PRKN: variants seen among roughly 807,000 people sequenced by gnomAD.
PRKN encodes parkin RBR E3 ubiquitin protein ligase.
Under a neutral mutation model 59.5 loss-of-function variants are expected in PRKN, and 56 were observed. That is an observed-to-expected ratio of 0.94 (90% CI 0.76 to 1.18). The LOEUF is 1.18. PRKN is among the 50% of genes most tolerant of loss of function. The pLI is 0.00. For missense variants in PRKN, 657 were observed against 596.4 expected (o/e 1.10, Z -1.06); for synonymous variants, 250 against 222.1 (o/e 1.13, Z -1.12).
chr6:161,537,643 G>C (rs1452841520), intron 9 of PRKN, among the ~76,000 whole-genome samples: 2 of 152,024 alleles, frequency 1.3e-5, no homozygotes, highest in Admixed American at 6.6e-5. Context: ...AGTAGAGACG[G>C]GGTTTCACCA....
At chr6:162,479,793 C>T (rs1019707608) in intron 1 of PRKN, among the ~76,000 whole-genome samples, 5 of 150,664 alleles carry the variant, frequency 3.3e-5, no homozygotes, top group Admixed American at 6.6e-5. Context: ...AGGAGCCAGG[C>T]GCAGTGGCTC....
intron 8 of PRKN, among the ~76,000 whole-genome samples, chr6:161,557,179 C>A (rs74298754): frequency 6.6e-6 from 1 of 152,168 alleles, no homozygotes; most frequent in Non-Finnish European, 1.5e-5. Context: ...AGAATCCTGA[C>A]TCACTGCTAT....
intron 6 of PRKN, among the ~76,000 whole-genome samples, chr6:161,803,599 G>A (rs1188532196): frequency 2.0e-5 from 3 of 152,184 alleles, no homozygotes; most frequent in Non-Finnish European, 4.4e-5. Flanking sequence ...AGCTCAACTC[G>A]GGTGGAGCCG....
At chr6:162,581,316 T>C (rs1169439832) in intron 1 of PRKN, among the ~76,000 whole-genome samples, 4 of 152,274 alleles carry the variant, frequency 2.6e-5, no homozygotes, top group African/African-American at 9.6e-5. Context: ...ATATTCAAGG[T>C]AGTTATATGG....
chr6:162,707,191 T>C (rs2128237898), intron 1 of PRKN, among the ~76,000 whole-genome samples: 1 of 152,332 alleles, frequency 6.6e-6, no homozygotes, highest in African/African-American at 2.4e-5. Flanking sequence ...CTTATATGAA[T>C]ATACTGTGGA....
intron 6 of PRKN, among the ~76,000 whole-genome samples, chr6:161,947,487 T>C (rs1028998924): frequency 5.9e-5 from 9 of 152,206 alleles, no homozygotes; most frequent in Non-Finnish European, 8.8e-5. Context: ...TTTACAGCAA[T>C]TGTTCCTACT....
At chr6:162,637,013 T>C (rs966765484) in intron 1 of PRKN, among the ~76,000 whole-genome samples, 1 of 151,668 alleles carries the variant, frequency 6.6e-6, no homozygotes, top group African/African-American at 2.4e-5. Flanking sequence ...TCCCAGCACT[T>C]TGGGAGGCTG....
At chr6:162,624,250 C>CAAAAAAAA (rs752288555) in intron 1 of PRKN, 1 of 127,522 alleles carries the variant, frequency 7.8e-6, no homozygotes. Flanking sequence ...TCTGTCTCCA[C>CAAAAAAAA]AAAAAAAAAA....
intron 7 of PRKN, among the ~76,000 whole-genome samples, chr6:161,771,556 T>C (rs1477961070): frequency 6.6e-6 from 1 of 152,036 alleles, no homozygotes; most frequent in Non-Finnish European, 1.5e-5. Context: ...TTGTACAGTG[T>C]TTTCCTCTAT....
chr6:161,567,938 A>T (rs1057303348), intron 8 of PRKN, among the ~76,000 whole-genome samples: 2 of 152,224 alleles, frequency 1.3e-5, no homozygotes, highest in Admixed American at 1.3e-4. Context: ...TGTCTTCACA[A>T]GGAGTTATGT....
rs544557985 is a variant in PRKN, at chr6:162,367,305, TAC to T, written c.171+76003_171+76004del. The stretch of plus-strand genomic sequence containing the variant: ...AATTAAACCTCTTTCCTTTATTAAT[TAC>T]ACAGTTTTGGGCAGTCCTTTAGAGC... On this transcript the variant is annotated intron_variant, in intron 2 of 11. Transcript: ENST00000366898. Among the ~76,000 whole-genome samples, 11 of 152,182 alleles carry T rather than the reference TAC, an allele frequency of 7.2e-5. 1 individual carries two copies. The highest frequency in any genetic ancestry group is 1.6e-4 in the Non-Finnish European group (11 of 68,040).
At chr6:161,782,968 A>G (rs1451276989) in intron 7 of PRKN, among the ~76,000 whole-genome samples, 1 of 152,178 alleles carries the variant, frequency 6.6e-6, no homozygotes, top group African/African-American at 2.4e-5. Flanking sequence ...TGACATAACT[A>G]TACATTAACT....
chr6:162,591,011 G>A (rs963514526), intron 1 of PRKN, among the ~76,000 whole-genome samples: 1 of 151,990 alleles, frequency 6.6e-6, no homozygotes, highest in Non-Finnish European at 1.5e-5. Flanking sequence ...ACTGTCTCAT[G>A]GGGGGCCCTC....
At chr6:162,718,726 T>A (rs928428929) in intron 1 of PRKN, among the ~76,000 whole-genome samples, 8 of 151,344 alleles carry the variant, frequency 5.3e-5, no homozygotes, top group African/African-American at 4.8e-5. Flanking sequence ...AAAAAAAAAA[T>A]TTATTCCAGA....
At chr6:162,488,788 C>T (rs1299535948) in intron 1 of PRKN, among the ~76,000 whole-genome samples, 1 of 152,196 alleles carries the variant, frequency 6.6e-6, no homozygotes, top group African/African-American at 2.4e-5. Flanking sequence ...ACACTAGCCC[C>T]TGCCAGGCTC....
intron 3 of PRKN, among the ~76,000 whole-genome samples, chr6:162,202,757 T>G (rs1784783863): frequency 6.6e-6 from 1 of 152,192 alleles, no homozygotes; most frequent in Non-Finnish European, 1.5e-5. Flanking sequence ...CTGTAATATG[T>G]AAGTAAATGT....
chr6:161,927,771 T>C (rs1779021442), intron 6 of PRKN, among the ~76,000 whole-genome samples: 1 of 149,904 alleles, frequency 6.7e-6, no homozygotes, highest in South Asian at 2.1e-4. Context: ...TGAAACTCTG[T>C]TTAAAAAAAA....
At chr6:162,718,941 CACA>C (rs1301673610) in intron 1 of PRKN, among the ~76,000 whole-genome samples, 1 of 152,046 alleles carries the variant, frequency 6.6e-6, no homozygotes, top group Non-Finnish European at 1.5e-5. Context: ...CGGCAGATGC[CACA>C]CACACATACA....
At chr6:161,605,354 CACAG>C (rs1018601097) in intron 7 of PRKN, among the ~76,000 whole-genome samples, 32 of 152,110 alleles carry the variant, frequency 2.1e-4, no homozygotes, top group Non-Finnish European at 2.4e-4. Flanking sequence ...TACATGTGCA[CACAG>C]ACACATATAC....
Sources: gnomAD v4.1 joint callset for allele counts (sites outside exome capture counted in the v4.1 genomes callset) on GRCh38, gnomAD v4.1.1 for gene constraint, MANE v1.5 for transcripts, NCBI Gene and HGNC (gene_info 2026-07-23, HGNC 2026-07-21) for gene names.